The following ARHGAP42 variants were observed in gnomAD, a reference collection of about 807,000 sequenced individuals.
ARHGAP42 encodes rho GTPase-activating protein 42.
Under a neutral mutation model 125.0 loss-of-function variants are expected in ARHGAP42, and 63 were observed. That is an observed-to-expected ratio of 0.50 (90% CI 0.41 to 0.62). The LOEUF (loss-of-function observed/expected upper bound fraction) is 0.62. Among genes scored for constraint, ARHGAP42 ranks in the 20% least tolerant of loss-of-function variants. ARHGAP42 has a pLI of 0.00. For missense variants in ARHGAP42, 766 were observed against 1,024.2 expected (o/e 0.75, Z 3.44); for synonymous variants, 339 against 351.0 (o/e 0.97, Z 0.38).
chr11:100,709,251 G>T (rs1332414139), intron 1 of ARHGAP42, among the ~76,000 whole-genome samples: 1 of 152,082 alleles, frequency 6.6e-6, no homozygotes, highest in Non-Finnish European at 1.5e-5. Flanking sequence ...TGTTGGCCAG[G>T]CTGGTCTTGA....
At chr11:100,822,137 G>A (rs1242095415) in intron 3 of ARHGAP42, among the ~76,000 whole-genome samples, 1 of 152,026 alleles carries the variant, frequency 6.6e-6, no homozygotes, top group Non-Finnish European at 1.5e-5. Context: ...TGTATTAAGG[G>A]TAGACATTTC....
rs2186788 is a variant in ARHGAP42 at position 100,955,276 on chromosome 11, T to C, written c.1163-4607T>C. ...AGGCTTAACTTTTGATTGAATATAT[T>C]AAGTTGATTAAGTTAGTCTGTCTTC... is the stretch of plus-strand genomic sequence containing the variant. On this transcript the variant is annotated intron_variant, in intron 12 of 23. Transcript: ENST00000298815. 7.1e-3 allele frequency among the ~76,000 whole-genome samples: 1,079 copies of C among 152,236 alleles called. 65 individuals carry two copies. In the East Asian group the frequency reaches 0.15, roughly 21 times the overall value.
chr11:100,918,942 A>G lies in ARHGAP42; in HGVS notation c.487-2552A>G, dbSNP rs534916765. Reference sequence around the variant, plus strand: ...TGACTTAATACTTTTGTGTTGGGGTACCCAAGACCACCCCCAGCTTTGGTA... The same window carrying G: ...TGACTTAATACTTTTGTGTTGGGGTGCCCAAGACCACCCCCAGCTTTGGTA... On this transcript the variant is annotated intron_variant, in intron 5 of 23. Coordinates refer to ENST00000298815, the MANE Select transcript of ARHGAP42 (RefSeq NM_152432.4). Among the ~76,000 whole-genome samples, 25 of 152,272 alleles carry G rather than the reference A, an allele frequency of 1.6e-4. No homozygotes were observed. In the South Asian group the frequency reaches 5.2e-3, roughly 32 times the overall value.
chr11:100,761,713 T>G (rs1289958342), intron 1 of ARHGAP42, among the ~76,000 whole-genome samples: 2 of 152,214 alleles, frequency 1.3e-5, no homozygotes, highest in East Asian at 1.9e-4. Flanking sequence ...CTCTTGAAGA[T>G]AGTAATTTAA....
At chr11:100,890,698 A>G (rs1244320617) in intron 4 of ARHGAP42, among the ~76,000 whole-genome samples, 1 of 152,218 alleles carries the variant, frequency 6.6e-6, no homozygotes, top group Non-Finnish European at 1.5e-5. Context: ...AAAATAAAAG[A>G]TTGGTTAAAA....
intron 1 of ARHGAP42, among the ~76,000 whole-genome samples, chr11:100,759,127 G>A (rs1195892647): frequency 6.6e-6 from 1 of 152,114 alleles, no homozygotes; most frequent in East Asian, 1.9e-4. Context: ...AGGTAAAAAT[G>A]TCCGGACTGC....
chr11:100,904,255 T>C (rs1487227185), intron 4 of ARHGAP42, among the ~76,000 whole-genome samples: 2 of 151,880 alleles, frequency 1.3e-5, no homozygotes, highest in Non-Finnish European at 2.9e-5. Context: ...CTCTTTTTTT[T>C]TTTTTTGAGA....
Position 100,861,540 on chromosome 11 carries a change from G to A in ARHGAP42, c.384+1915G>A, listed in dbSNP as rs144484755. 3.2e-3 allele frequency among the ~76,000 whole-genome samples: 487 copies of A among 152,322 alleles called. 2 individuals carry two copies. The highest frequency in any genetic ancestry group is 0.011 in the African/African-American group (437 of 41,580). On this transcript the variant is annotated intron_variant, in intron 4 of 23. Transcript: ENST00000298815. The stretch of plus-strand genomic sequence containing the variant: ...GTTAGTGGCTTTAGATAAGGAGGGT[G>A]AAAGTAACTGGGGACAAGGAGATGT...
At chr11:100,779,552 A>ATACATACGTATATTTACGTATATATACG in intron 2 of ARHGAP42, among the ~76,000 whole-genome samples, 1 of 87,342 alleles carries the variant, frequency 1.1e-5, no homozygotes, top group Non-Finnish European at 2.3e-5. Context: ...ATATATATAC[A>ATACATACGTATATTTACGTATATATACG]TATACATACG....
intron 3 of ARHGAP42, among the ~76,000 whole-genome samples, chr11:100,840,335 A>T (rs941994030): frequency 2.0e-5 from 3 of 152,138 alleles, no homozygotes; most frequent in African/African-American, 7.2e-5. Context: ...AGAGGAGATT[A>T]AGTTTGGAAA....
intron 2 of ARHGAP42, among the ~76,000 whole-genome samples, chr11:100,776,684 T>C (rs1370760685): frequency 6.6e-6 from 1 of 152,148 alleles, no homozygotes; most frequent in African/African-American, 2.4e-5. Flanking sequence ...TAGTGCCTAA[T>C]AGTTAGCATC....
chr11:100,761,739 T>C (rs1031785590), intron 1 of ARHGAP42, among the ~76,000 whole-genome samples: 1 of 152,244 alleles, frequency 6.6e-6, no homozygotes, highest in Non-Finnish European at 1.5e-5. Context: ...AGATTAAATA[T>C]GTTATGCTTA....
At chr11:100,972,453 A>G (rs1467616981) in intron 17 of ARHGAP42, among the ~76,000 whole-genome samples, 2 of 152,132 alleles carry the variant, frequency 1.3e-5, no homozygotes, top group Non-Finnish European at 2.9e-5. Context: ...ATGCTACCAC[A>G]TCTCCTTGTC....
At chr11:100,987,858 G>A (rs1310724132) in intron 23 of ARHGAP42, among the ~76,000 whole-genome samples, 4 of 145,972 alleles carry the variant, frequency 2.7e-5, no homozygotes, top group African/African-American at 7.5e-5. Context: ...GGCCAGGCGC[G>A]GTGACTCATG....
chr11:100,829,550 A>T (rs1864614876), intron 3 of ARHGAP42, among the ~76,000 whole-genome samples: 1 of 152,148 alleles, frequency 6.6e-6, no homozygotes, highest in African/African-American at 2.4e-5. Context: ...CTTTACTATG[A>T]TACAGACAGC....
intron 5 of ARHGAP42, among the ~76,000 whole-genome samples, chr11:100,920,725 T>C (rs1234313572): frequency 1.3e-5 from 2 of 152,170 alleles, no homozygotes; most frequent in African/African-American, 4.8e-5. Context: ...TCTCATACTT[T>C]GTCAATAGAA....
chr11:100,747,670 A>G (rs1862335766), intron 1 of ARHGAP42, among the ~76,000 whole-genome samples: 1 of 152,190 alleles, frequency 6.6e-6, no homozygotes, highest in African/African-American at 2.4e-5. Flanking sequence ...TGTAGGTAAA[A>G]ATCCACATTC....
At chr11:100,965,475 A>G (rs1858067522) in intron 16 of ARHGAP42, among the ~76,000 whole-genome samples, 196 bp from the exon 17 acceptor site, 2 of 152,144 alleles carry the variant, frequency 1.3e-5, no homozygotes, top group African/African-American at 4.8e-5. Context: ...TGGCTTCTCT[A>G]CTTCCTAACT....
At chr11:100,702,671 C>CT (rs200179100) in intron 1 of ARHGAP42, among the ~76,000 whole-genome samples, 137 of 133,838 alleles carry the variant, frequency 1.0e-3, no homozygotes, top group Middle Eastern at 3.9e-3. Flanking sequence ...TATTTGTGTT[C>CT]TTTTTTTTTT....
Sources: allele counts gnomAD v4.1 joint callset (sites outside exome capture counted in the v4.1 genomes callset), GRCh38; gene constraint gnomAD v4.1.1; transcripts MANE v1.5; gene names NCBI Gene and HGNC (gene_info 2026-07-23, HGNC 2026-07-21).